Variants in AGO3 observed in about 807,000 individuals in gnomAD.
The protein encoded by AGO3 is argonaute RISC catalytic component 3.
In AGO3, 16 loss-of-function variants were observed where a neutral mutation model predicts 105.5. The ratio of observed to expected loss-of-function variants is 0.15; its 90% confidence interval spans 0.10 to 0.23. The LOEUF is 0.23. Among genes scored for constraint, AGO3 ranks in the 10% least tolerant of loss-of-function variants. The pLI is 1.00. For synonymous variants in AGO3, 340 were observed against 367.3 expected (o/e 0.93, Z 0.85); for missense variants, 534 against 1,088.0 (o/e 0.49, Z 7.16).
In AGO3 at chr1:36,034,170, A is replaced by G. The variant is rs1263558708; in HGVS notation, c.1592-4A>G. ...TGACTAGAGGTTTTGCATCTATTCC[A>G]TAGCGGAAGTGAAACGTGTAGGAGA... is the stretch of plus-strand genomic sequence containing the variant. On this transcript the variant is annotated splice_region_variant and splice_polypyrimidine_tract_variant and intron_variant, in intron 12 of 18. Coordinates refer to ENST00000373191, the MANE Select transcript of AGO3 (RefSeq NM_024852.4). 4 of 1,534,286 alleles carry G rather than the reference A, an allele frequency of 2.6e-6. No homozygotes were observed. Among genetic ancestry groups the G allele is most frequent in the Non-Finnish European group, 2.6e-6 (3 of 1,141,704 alleles).
intron 1 of AGO3, among the ~76,000 whole-genome samples, chr1:35,939,945 T>G (rs1646222788): frequency 6.6e-6 from 1 of 152,286 alleles, no homozygotes; most frequent in South Asian, 2.1e-4. Flanking sequence ...ACTATAAAAG[T>G]TATGGACTCA....
intron 11 of AGO3, among the ~76,000 whole-genome samples, chr1:36,020,292 G>C (rs1391109497): frequency 6.6e-6 from 1 of 152,174 alleles, no homozygotes; most frequent in Non-Finnish European, 1.5e-5. Context: ...AGTTTGACCT[G>C]GACCATGGAG....
chr1:35,983,074 T>C (rs1209852581), intron 5 of AGO3: 1 of 158,650 alleles, frequency 6.3e-6, no homozygotes, highest in Non-Finnish European at 1.4e-5. Context: ...TAAGTGGAAT[T>C]TCTTGCTCTC....
At chr1:36,044,038 T>G (rs570756190) in intron 17 of AGO3, among the ~76,000 whole-genome samples, 2 of 152,296 alleles carry the variant, frequency 1.3e-5, no homozygotes, top group African/African-American at 2.4e-5. Context: ...ACTAGTAGTA[T>G]TAAGCATGTG....
chr1:36,035,149 C>T (rs998481291), intron 13 of AGO3, among the ~76,000 whole-genome samples: 22 of 152,058 alleles, frequency 1.4e-4, no homozygotes, highest in Non-Finnish European at 1.5e-5. Context: ...CTACTTTCTA[C>T]CCCTGTTAAA....
At chr1:35,985,450 G>A (rs1171924279) in intron 5 of AGO3, among the ~76,000 whole-genome samples, 1 of 152,170 alleles carries the variant, frequency 6.6e-6, no homozygotes, top group African/African-American at 2.4e-5. Context: ...TATACCACAT[G>A]GCTTCAGGTG....
At chr1:35,959,679 C>G (rs1380622217) in intron 2 of AGO3, among the ~76,000 whole-genome samples, 1 of 152,014 alleles carries the variant, frequency 6.6e-6, no homozygotes, top group African/African-American at 2.4e-5. Flanking sequence ...CCACTCCTAA[C>G]CCTATTGTTG....
chr1:35,949,740 G>A (rs1252215836), intron 2 of AGO3, among the ~76,000 whole-genome samples: 1 of 152,066 alleles, frequency 6.6e-6, no homozygotes, highest in African/African-American at 2.4e-5. Flanking sequence ...TTCCACTTAA[G>A]CCTCCTGAGT....
chr1:36,043,323 C>T (rs923069788), intron 16 of AGO3, 124 bp from the exon 17 acceptor site: 3 of 732,006 alleles, frequency 4.1e-6, no homozygotes, highest in African/African-American at 1.8e-5. Flanking sequence ...CTGCTTAAGT[C>T]ATATTTCAAG....
intron 5 of AGO3, among the ~76,000 whole-genome samples, chr1:35,975,504 T>C (rs1269830591): frequency 1.3e-5 from 2 of 152,182 alleles, no homozygotes; most frequent in Non-Finnish European, 2.9e-5. Context: ...TTTACCTAGG[T>C]TGCTATTTGT....
chr1:36,046,047 GATCCCAGCA>G (rs1642455596), intron 17 of AGO3, among the ~76,000 whole-genome samples: 1 of 152,150 alleles, frequency 6.6e-6, no homozygotes, highest in African/African-American at 2.4e-5. Flanking sequence ...TAAGCAAGAG[GATCCCAGCA>G]ATCCCCATCA....
chr1:36,055,346 A>G lies in AGO3; in HGVS notation c.2474+201A>G, dbSNP rs1243907034. ...CATGTAGTAACTTAGTTGTTTTACT[A>G]CATTAATTCAAAGGAGAGATTATTG... On this transcript the variant is annotated intron_variant, in intron 18 of 18. Coordinates refer to ENST00000373191, the MANE Select transcript of AGO3 (RefSeq NM_024852.4). The surrounding 1 kb of genome is among the most constrained non-coding windows in gnomAD (Gnocchi z 4.4). 4.8e-6 allele frequency: 3 copies of G among 626,184 alleles called. No homozygotes were observed. The highest frequency in any genetic ancestry group is 8.3e-6 in the Non-Finnish European group (3 of 361,104). 38.8% of individuals were successfully genotyped at this position (626,184 alleles called of 1,614,324 possible).
intron 9 of AGO3, 117 bp from the exon 10 acceptor site, chr1:36,013,513 A>T: frequency 7.5e-7 from 1 of 1,340,410 alleles, no homozygotes; most frequent in Non-Finnish European, 1.0e-6. Context: ...ACCATTGATT[A>T]GACCTGTTGG....
At chr1:36,038,082 G>A (rs1642087880) in intron 14 of AGO3, among the ~76,000 whole-genome samples, 1 of 152,054 alleles carries the variant, frequency 6.6e-6, no homozygotes, top group Non-Finnish European at 1.5e-5. Flanking sequence ...GTGCCACATA[G>A]TATAATAGGT....
Position 35,931,334 on chromosome 1 carries a change from CCGTCG to C in AGO3, c.-85_-81del, listed in dbSNP as rs911158424. ...CCGCCTCGGGGCCGAGTGAGAGTGC[CCGTCG>C]CGTCGCGCCGCGTCGCCCCCCGGGC... is the stretch of plus-strand genomic sequence containing the variant. On this transcript the variant is annotated 5_prime_UTR_variant, in exon 1 of 19. Coordinates refer to ENST00000373191, the MANE Select transcript of AGO3 (RefSeq NM_024852.4). The C allele has an allele frequency of 2.4e-6, 3 of 1,232,194 alleles. No homozygotes were observed. Among genetic ancestry groups the C allele is most frequent in the Non-Finnish European group, 3.2e-6 (3 of 938,736 alleles). 76.3% of individuals were successfully genotyped at this position (1,232,194 alleles called of 1,614,324 possible).
rs1643131844 is a variant in AGO3 at position 36,069,257 on chromosome 1, C to T, written c.*13512C>T. ...TAGCTGGGACTAGAGGTACATGCCACCACACCCAGCTAATTATTTTCTTTT... is the reference window on the plus strand; with the variant it reads ...TAGCTGGGACTAGAGGTACATGCCATCACACCCAGCTAATTATTTTCTTTT... On this transcript the variant is annotated 3_prime_UTR_variant, in exon 19 of 19. Transcript: ENST00000373191. The T allele has an allele frequency of 6.6e-6, 1 of 152,242 alleles. No homozygotes were observed. Among genetic ancestry groups the T allele is most frequent in the African/African-American group, 2.4e-5 (1 of 41,438 alleles). The allele number at this position is 152,242 out of a possible 1,614,324, so 9.4% of individuals were successfully genotyped here.
chr1:35,997,829 C>T (rs927897037), intron 5 of AGO3, among the ~76,000 whole-genome samples: 7 of 151,906 alleles, frequency 4.6e-5, no homozygotes, highest in African/African-American at 1.7e-4. Context: ...CCCGAGTATC[C>T]AGGATTATAC....
chr1:36,019,364 T>C (rs1641091248), intron 11 of AGO3, among the ~76,000 whole-genome samples: 1 of 152,238 alleles, frequency 6.6e-6, no homozygotes, highest in African/African-American at 2.4e-5. Flanking sequence ...CTGAAACATC[T>C]TTGACCAAGG....
intron 3 of AGO3, among the ~76,000 whole-genome samples, chr1:35,968,148 T>G (rs1646806789): frequency 6.6e-6 from 1 of 152,182 alleles, no homozygotes; most frequent in African/African-American, 2.4e-5. Flanking sequence ...TATTGGTGAT[T>G]ATTGGTGATG....
Sources: gnomAD v4.1 joint callset for allele counts (sites outside exome capture counted in the v4.1 genomes callset) on GRCh38, gnomAD v4.1.1 for gene constraint, Gnocchi (gnomAD v3.1) non-coding constraint, MANE v1.5 for transcripts, NCBI Gene and HGNC (gene_info 2026-07-23, HGNC 2026-07-21) for gene names.